Variants in TCTN3 observed in about 807,000 individuals in gnomAD.
TCTN3 encodes tectonic-3.
Under a neutral mutation model 71.3 loss-of-function variants are expected in TCTN3, and 57 were observed. The ratio of observed to expected loss-of-function variants is 0.80; its 90% CI spans 0.65 to 1.00. The LOEUF is 1.00. Among genes scored for constraint, TCTN3 ranks in the 50% least tolerant of loss-of-function variants. The probability of loss-of-function intolerance (pLI) is 0.00; values close to 1 mark genes in which losing one functional copy is unlikely to be tolerated. For missense variants in TCTN3, 696 were observed against 719.9 expected (o/e 0.97, Z 0.38); for synonymous variants, 258 against 267.8 (o/e 0.96, Z 0.36).
chr10:95,669,131 TG>T (rs1025731939), intron 13 of TCTN3, among the ~76,000 whole-genome samples: 3 of 151,994 alleles, frequency 2.0e-5, no homozygotes, highest in Admixed American at 2.0e-4. Context: ...GGCAGAGTAG[TG>T]GGGGGGTAGG....
chr10:95,663,991 G>T lies in TCTN3; in HGVS notation c.*76C>A. On this transcript the variant is annotated 3_prime_UTR_variant, in exon 14 of 14. Coordinates refer to ENST00000371217, the MANE Select transcript of TCTN3 (RefSeq NM_015631.6). The stretch of plus-strand genomic sequence containing the variant: ...TGCTCTCTGGTCATGAGCAGGTGAG[G>T]TTCTATTTAGCCAAGATAAGTGGCT... 8.1e-7 allele frequency: 1 copy of T among 1,230,778 alleles called. No individual in the cohort carries two copies. The highest frequency in any genetic ancestry group is 1.2e-6 in the Non-Finnish European group (1 of 840,786). 76.2% of individuals were successfully genotyped at this position (1,230,778 alleles called of 1,614,324 possible). A position where few individuals can be genotyped will look rare whatever the true frequency, so the allele number is the denominator to read the frequency against.
At chr10:95,673,162 G>A (rs1273658813) in intron 13 of TCTN3, among the ~76,000 whole-genome samples, 2 of 152,008 alleles carry the variant, frequency 1.3e-5, no homozygotes, top group African/African-American at 4.8e-5. Flanking sequence ...GTATCTTTTG[G>A]TGAGCAGAGA....
In TCTN3 at chr10:95,687,365, A is replaced by G. The variant is rs560691212; in HGVS notation, c.628-10T>C. 4.6e-5 allele frequency: 73 copies of G among 1,593,602 alleles called. No individual in the cohort carries two copies. In the South Asian group the frequency reaches 7.3e-4, roughly 16 times the overall value. On this transcript the variant is annotated splice_polypyrimidine_tract_variant and intron_variant, in intron 4 of 13. Transcript: ENST00000371217. ...GAATGGGGTCCCCAGCCTGAATAAA[A>G]TATAAAAGAAACTTTGTTCACAGTG...
At chr10:95,688,765 C>G (rs899221964) in intron 3 of TCTN3, among the ~76,000 whole-genome samples, 7 of 152,046 alleles carry the variant, frequency 4.6e-5, no homozygotes, top group African/African-American at 1.7e-4. Flanking sequence ...ATAAATCTAC[C>G]GAAACTCTTG....
intron 12 of TCTN3, among the ~76,000 whole-genome samples, 192 bp from the exon 13 acceptor site, chr10:95,680,801 C>T (rs1257814641): frequency 3.1e-5 from 4 of 130,300 alleles, no homozygotes; most frequent in Non-Finnish European, 4.8e-5. Flanking sequence ...TTTTTTGAGA[C>T]GAAGTCTCGC....
In TCTN3 at chr10:95,687,286, C is replaced by T. The variant is rs1181387397; in HGVS notation, c.697G>A (p.Val233Ile). Residue 233 changes from valine to isoleucine, a missense_variant, in exon 5 of 14, where the codon GTT (valine) becomes ATT (isoleucine). Val to Ile is a conservative substitution (Grantham distance 29). Coordinates refer to ENST00000371217, the MANE Select transcript of TCTN3 (RefSeq NM_015631.6). ...TCAGCACAGAGTCCCCCAGCTCCAA[C>T]TCCTGCAGGTTGTCTCAGCAAGCTT... is the stretch of plus-strand genomic sequence containing the variant. ...VISLLRQPAG[V>I]GAGGLCAESN... The T allele has an allele frequency of 5.6e-6, 9 of 1,614,080 alleles. No homozygotes were observed. Among genetic ancestry groups the T allele is most frequent in the Non-Finnish European group, 5.9e-6 (7 of 1,180,038 alleles).
rs769604084 is a variant in TCTN3, at chr10:95,681,322, C to T, written c.1453-713G>A. On this transcript the variant is annotated intron_variant, in intron 12 of 13. Transcript: ENST00000371217. ...AACTCCTGATCTCAAGTGATCTGCC[C>T]GCCTCGGCCTTCCAAAGTGCTGGGA... Among the ~76,000 whole-genome samples the T allele has an allele frequency of 2.6e-5, 4 of 151,368 alleles. No homozygotes were observed. In the South Asian group the frequency reaches 6.3e-4, roughly 24 times the overall value.
chr10:95,682,872 A>G (rs1019313368), intron 11 of TCTN3, 68 bp from the exon 12 acceptor site: 1 of 1,528,886 alleles, frequency 6.5e-7, no homozygotes, highest in Non-Finnish European at 8.8e-7. Context: ...TTAGTACGGT[A>G]TGTTAAACCA....
Position 95,692,967 on chromosome 10 carries a change from AAAACTC to A in TCTN3, c.446_451del (p.Arg149_Phe151delinsIle). On this transcript the variant is annotated inframe_deletion, in exon 3 of 14. Transcript: ENST00000371217. Reference sequence around the variant, plus strand: ...CTGCCTGATTCCATTAGAATCCATGAAAACTCTTGAAGGAAACGGGGAATTACTCCT... The same window carrying A: ...CTGCCTGATTCCATTAGAATCCATGATTGAAGGAAACGGGGAATTACTCCT... The A allele has an allele frequency of 6.2e-7, 1 of 1,614,210 alleles. No homozygotes were observed. The highest frequency in any genetic ancestry group is 2.2e-5 in the East Asian group (1 of 44,888).
At chr10:95,665,212 G>A (rs149273579) in intron 13 of TCTN3, among the ~76,000 whole-genome samples, 37 of 152,276 alleles carry the variant, frequency 2.4e-4, no homozygotes, top group African/African-American at 6.7e-4. Flanking sequence ...GGGCTCAAGT[G>A]ATCCTCCTGC....
In TCTN3 at chr10:95,687,044, C is replaced by T; in HGVS notation, c.852G>A (p.Lys284=). 6.2e-7 allele frequency: 1 copy of T among 1,611,928 alleles called. No individual in the cohort carries two copies. The highest frequency in any genetic ancestry group is 8.5e-7 in the Non-Finnish European group (1 of 1,178,124). The change falls in exon 6 of 14, where the codon AAG becomes AAA. Residue 284 remains lysine (K), a splice_region_variant and synonymous_variant. Coordinates refer to ENST00000371217, the MANE Select transcript of TCTN3 (RefSeq NM_015631.6). ...AASYYNFTVL[K]VPRSMTDPQN... is the part of the protein sequence containing the mutation. ...GTGTAGGGAGAGAAAGGACACCTAC[C>T]TTTAAGACTGTGAAGTTATAGTAAG...
intron 3 of TCTN3, among the ~76,000 whole-genome samples, chr10:95,690,758 A>AGCAACATAATGCAATGT (rs1439363950): frequency 2.0e-5 from 3 of 152,202 alleles, no homozygotes; most frequent in Admixed American, 6.5e-5. Context: ...TCAGTAAGGA[A>AGCAACATAATGCAATGT]GCAACATAAT....
chr10:95,679,066 C>T (rs10882651), intron 13 of TCTN3, among the ~76,000 whole-genome samples: 54,299 of 151,996 alleles, frequency 0.36, 10,306 homozygotes, highest in East Asian at 0.7. Flanking sequence ...GAATGAAGCA[C>T]AGCTAAAATT....
chr10:95,683,490 T>C lies in TCTN3; in HGVS notation c.1203+32A>G, dbSNP rs1306597824. The C allele has an allele frequency of 5.6e-6, 9 of 1,614,066 alleles. No homozygotes were observed. The Admixed American group carries it at 1.0e-4, about 18-fold the overall frequency. Reference sequence around the variant, plus strand: ...GCCTTTGCAGCTTTTCTCATTAGGCTGCAACAGGCCACCCAGCTCTAAAAA... The same window carrying C: ...GCCTTTGCAGCTTTTCTCATTAGGCCGCAACAGGCCACCCAGCTCTAAAAA... On this transcript the variant is annotated intron_variant, in intron 10 of 13. Coordinates refer to ENST00000371217, the MANE Select transcript of TCTN3 (RefSeq NM_015631.6).
intron 11 of TCTN3, 29 bp downstream of exon 11, chr10:95,683,072 C>T: frequency 1.3e-6 from 2 of 1,583,958 alleles, no homozygotes; most frequent in Non-Finnish European, 8.7e-7. Context: ...CCCGAAATTG[C>T]AGGAAATGAT....
chr10:95,688,814 AT>A (rs1026272112), intron 3 of TCTN3, among the ~76,000 whole-genome samples: 11 of 152,200 alleles, frequency 7.2e-5, no homozygotes, highest in African/African-American at 2.7e-4. Context: ...CAGTAGAGAG[AT>A]GTAGGAAAAG....
intron 13 of TCTN3, among the ~76,000 whole-genome samples, chr10:95,673,378 C>G (rs2097933658): frequency 6.6e-6 from 1 of 152,054 alleles, no homozygotes; most frequent in African/African-American, 2.4e-5. Flanking sequence ...AGTTAGAGTT[C>G]ATTTTTCCCC....
chr10:95,663,943 G>C lies in TCTN3; in HGVS notation c.*124C>G. On this transcript the variant is annotated 3_prime_UTR_variant, in exon 14 of 14. Coordinates refer to ENST00000371217, the MANE Select transcript of TCTN3 (RefSeq NM_015631.6). ...CCTTTCATATACAAGGATTCCTTCA[G>C]TTAGGTCCTCTATTATCCTAAATGC... 1 of 737,946 alleles carries C rather than the reference G, an allele frequency of 1.4e-6. No individual in the cohort carries two copies. The allele number at this position is 737,946 out of a possible 1,614,324, so 45.7% of individuals were successfully genotyped here. A position where few individuals can be genotyped will look rare whatever the true frequency, so the allele number is the denominator to read the frequency against.
At chr10:95,682,267 G>A (rs1414986848) in intron 12 of TCTN3, among the ~76,000 whole-genome samples, 2 of 151,684 alleles carry the variant, frequency 1.3e-5, no homozygotes, top group South Asian at 2.1e-4. Context: ...CGAGGCAGGC[G>A]GATCACAAGG....
Sources: gnomAD v4.1 joint callset for allele counts (sites outside exome capture counted in the v4.1 genomes callset) on GRCh38, gnomAD v4.1.1 for gene constraint, MANE v1.5 for transcripts, NCBI Gene and HGNC (gene_info 2026-07-23, HGNC 2026-07-21) for gene names.